Variants in EOLA2 observed in about 807,000 individuals in gnomAD.
The protein encoded by EOLA2 is endothelium and lymphocyte associated ASCH domain 2.
A neutral mutation model predicts 4.1 loss-of-function variants in EOLA2; 3 were observed. The ratio of observed to expected loss-of-function variants is 0.73; its 90% CI spans 0.33 to 1.89. EOLA2 has a LOEUF of 1.89. Ranked by LOEUF, EOLA2 falls within the 40% of genes most tolerant of loss-of-function variation. EOLA2 has a pLI of 0.08. For missense variants in EOLA2, 109 were observed against 126.4 expected, an observed-to-expected ratio of 0.86 and a Z score of 0.66; for synonymous variants, 52 against 51.7, an observed-to-expected ratio of 1.01 and a Z score of -0.03.
Position 149,937,450 on chromosome X carries a change from G to A in EOLA2, c.-180C>T, listed in dbSNP as rs1418481054. 9.7e-6 allele frequency: 7 copies of A among 723,410 alleles called. No individual in the cohort carries two copies. The highest frequency in any genetic ancestry group is 7.0e-5 in the African/African-American group (3 of 42,762). 59.6% of individuals were successfully genotyped at this position (723,410 alleles called of 1,213,427 possible). ...GAGAGTACCTGCTTTACGGCCAGAG[G>A]AGGAAACACTCTTCCACTTGGTTTC... On this transcript the variant is annotated 5_prime_UTR_variant, in exon 2 of 5. Coordinates refer to ENST00000370406, the MANE Select transcript of EOLA2 (RefSeq NM_001013845.2).
intron 2 of EOLA2, chrX:149,934,707 C>G: frequency 1.3e-6 from 1 of 741,424 alleles, no homozygotes; most frequent in Non-Finnish European, 1.6e-6. Context: ...GTCAGTGGTA[C>G]TGTGAGGCCC....
chrX:149,931,853 T>C (rs2090878870), downstream of EOLA2, among the ~76,000 whole-genome samples: 1 of 101,307 alleles, frequency 9.9e-6, no homozygotes. Context: ...ACAACACTAC[T>C]GATCACATTT....
At chrX:149,935,748 C>A (rs1303097032) in intron 2 of EOLA2, among the ~76,000 whole-genome samples, 1 of 104,529 alleles carries the variant, frequency 9.6e-6, no homozygotes, top group Non-Finnish European at 2.0e-5. Flanking sequence ...CCCATACATA[C>A]TCAGGACCCC....
intron 2 of EOLA2, 131 bp from the exon 3 acceptor site, chrX:149,934,268 C>A: frequency 1.4e-6 from 1 of 695,457 alleles, no homozygotes; most frequent in Non-Finnish European, 1.8e-6. Context: ...GGTGTTAGCC[C>A]TCTTCCAGCA....
chrX:149,933,411 G>C (rs1289620930), intron 4 of EOLA2, among the ~76,000 whole-genome samples: 5 of 111,292 alleles, frequency 4.5e-5, no homozygotes, highest in Non-Finnish European at 7.5e-5. Flanking sequence ...GCGGCCCAGA[G>C]TGGAGAAATG....
In EOLA2 at chrX:149,934,761, G is replaced by A. The variant is rs781825883; in HGVS notation, c.-162-624C>T. Among the ~76,000 whole-genome samples, 885 of 111,793 alleles carry A rather than the reference G, an allele frequency of 7.9e-3. 1 individual carries two copies. Among genetic ancestry groups the A allele is most frequent in the African/African-American group, 0.028 (850 of 30,453 alleles). On this transcript the variant is annotated intron_variant, in intron 2 of 4. Coordinates refer to ENST00000370406, the MANE Select transcript of EOLA2 (RefSeq NM_001013845.2). ...ATGAGGCACCAGCCCACAGTCACAC[G>A]GGCTCTGACTTCCCACAACTCTTGC...
downstream of EOLA2, chrX:149,931,317 A>ATAT: frequency 5.7e-6 from 2 of 349,013 alleles, no homozygotes; most frequent in Non-Finnish European, 8.9e-6. Context: ...TTAACCTTCT[A>ATAT]TATTATATAC....
downstream of EOLA2, chrX:149,930,049 G>A (rs1557374039): frequency 5.2e-6 from 6 of 1,156,742 alleles, no homozygotes; most frequent in African/African-American, 5.9e-5. Context: ...ACAACTTGAC[G>A]AGTTTCATTC....
At chrX:149,937,408 T>A in intron 2 of EOLA2, 25 bp downstream of exon 2, 1 of 694,285 alleles carries the variant, frequency 1.4e-6, no homozygotes, top group African/African-American at 2.3e-5. Context: ...TTGAGTCCCC[T>A]CCTACCTGGT....
At chrX:149,933,600 C>T (rs1569562147) in intron 4 of EOLA2, 22 bp downstream of exon 4, 1 of 1,194,542 alleles carries the variant, frequency 8.4e-7, no homozygotes, top group African/African-American at 1.8e-5. Flanking sequence ...GTTGTCTGCG[C>T]ATTTGGTACA....
intron 1 of EOLA2, among the ~76,000 whole-genome samples, chrX:149,937,889 T>C (rs1325551477): frequency 2.7e-5 from 3 of 112,748 alleles, no homozygotes; most frequent in Admixed American, 1.8e-4. Flanking sequence ...GCCACAGAGC[T>C]ATGCACCGCC....
chrX:149,935,542 C>G (rs1284716699), intron 2 of EOLA2, among the ~76,000 whole-genome samples: 2 of 50,718 alleles, frequency 3.9e-5, no homozygotes, highest in Admixed American at 2.7e-4. Flanking sequence ...ACCCACTCCA[C>G]TGACTGACCT....
At chrX:149,937,340 CTG>C in intron 2 of EOLA2, 91 bp downstream of exon 2, 108 of 268,450 alleles carry the variant, frequency 4.0e-4, no homozygotes, top group Non-Finnish European at 5.4e-4. Context: ...ATCACAACAA[CTG>C]TGTGTGTGTG....
chrX:149,938,032 G>C (rs1341056392), intron 1 of EOLA2, 161 bp downstream of exon 1: 1 of 112,960 alleles, frequency 8.9e-6, no homozygotes, highest in Non-Finnish European at 1.9e-5. Context: ...TTAGAAGGAG[G>C]GGGGCCGAGA....
Position 149,933,852 on chromosome X carries a change from A to G in EOLA2, c.23T>C (p.Phe8Ser), listed in dbSNP as rs782444250. 4.8e-5 allele frequency: 58 copies of G among 1,200,752 alleles called. No homozygotes were observed. The Admixed American group carries it at 1.2e-3, about 25-fold the overall frequency. ...GACAAAGCCAGCATAAGGCTGCCGG[A>G]AGGAGAGGCAGCCAAACTTCATCTT... is the stretch of plus-strand genomic sequence containing the variant. MKFGCLS[F>S]RQPYAGFVLN... Residue 8 changes from phenylalanine (F) to serine (S), a missense_variant, in exon 4 of 5, where the codon TTC (phenylalanine) becomes TCC (serine). Transcript: ENST00000370406.
chrX:149,937,740 C>T (rs1352667080), intron 1 of EOLA2, among the ~76,000 whole-genome samples: 1 of 112,812 alleles, frequency 8.9e-6, no homozygotes, highest in Non-Finnish European at 1.9e-5. Context: ...AGTCACATTC[C>T]TACAGCTGAG....
intron 2 of EOLA2, among the ~76,000 whole-genome samples, chrX:149,935,976 C>T (rs2090987232): frequency 9.8e-6 from 1 of 101,944 alleles, no homozygotes; most frequent in South Asian, 4.6e-4. Context: ...AACCCCCTGC[C>T]TTCTGAAGAA....
At chrX:149,929,929 A>C, downstream of EOLA2, 2 of 1,034,018 alleles carry the variant, frequency 1.9e-6, no homozygotes, top group South Asian at 5.5e-5. Context: ...AGGAAGACAC[A>C]TTCAAGTCTG....
In EOLA2 at chrX:149,933,917, G is replaced by T. The variant is rs376109506; in HGVS notation, c.-29-14C>A. 1.7e-6 allele frequency: 2 copies of T among 1,187,162 alleles called. No individual in the cohort carries two copies. Among genetic ancestry groups the T allele is most frequent in the African/African-American group, 3.7e-5 (2 of 54,424 alleles). ...GCCTCCCGTAGCCTGCGGAAGCACAGAAGCGCATCACACGCCAGCCCTTCA... is the reference window on the plus strand; with the variant it reads ...GCCTCCCGTAGCCTGCGGAAGCACATAAGCGCATCACACGCCAGCCCTTCA... On this transcript the variant is annotated splice_polypyrimidine_tract_variant and intron_variant, in intron 3 of 4. Transcript: ENST00000370406.
Sources: gnomAD v4.1 joint callset for allele counts (sites outside exome capture counted in the v4.1 genomes callset) on GRCh38, gnomAD v4.1.1 for gene constraint, MANE v1.5 for transcripts, NCBI Gene and HGNC (gene_info 2026-07-23, HGNC 2026-07-21) for gene names.